The following TNRC6B variants were observed in gnomAD, a reference collection of about 807,000 sequenced individuals.
The protein encoded by TNRC6B is trinucleotide repeat-containing gene 6B protein.
TNRC6B carries 52 observed loss-of-function variants against 203.6 expected under a neutral mutation model. The observed-to-expected ratio is 0.26, with a 90% CI of 0.20 to 0.32. The LOEUF (loss-of-function observed/expected upper bound fraction) is 0.32. Ranked by LOEUF, TNRC6B falls within the 10% of genes least tolerant of loss-of-function variation. The pLI is 1.00. For synonymous variants in TNRC6B, 838 were observed against 845.7 expected (o/e 0.99, Z 0.16); for missense variants, 1,923 against 2,286.2 (o/e 0.84, Z 3.24).
chr22:40,235,673 T>C (rs2069937937), intron 1 of TNRC6B, among the ~76,000 whole-genome samples: 1 of 152,214 alleles, frequency 6.6e-6, no homozygotes, highest in Non-Finnish European at 1.5e-5. Flanking sequence ...AAGAATTGTA[T>C]TGTGAATTAT....
rs180980435 is a variant in TNRC6B, at chr22:40,329,099, G to T, written c.*5858G>T. On this transcript the variant is annotated 3_prime_UTR_variant, in exon 23 of 23. Transcript: ENST00000454349. Reference sequence around the variant, plus strand: ...TTCCTCCTGTGAGTGGACAACTAAAGCCGCGTGATGATGCGGATGAAAATA... The same window carrying T: ...TTCCTCCTGTGAGTGGACAACTAAATCCGCGTGATGATGCGGATGAAAATA... The T allele has an allele frequency of 4.1e-4, 62 of 152,280 alleles. No individual in the cohort carries two copies. Among genetic ancestry groups the T allele is most frequent in the Middle Eastern group, 3.4e-3 (1 of 294 alleles). 9.4% of individuals were successfully genotyped at this position (152,280 alleles called of 1,614,324 possible). A position where few individuals can be genotyped will look rare whatever the true frequency, so the allele number is the denominator to read the frequency against.
chr22:40,253,097 T>G (rs1354927282), intron 3 of TNRC6B, among the ~76,000 whole-genome samples: 1 of 145,082 alleles, frequency 6.9e-6, no homozygotes, highest in African/African-American at 2.9e-5. Flanking sequence ...TTTTTTTCTT[T>G]TTTTCTTTTT....
chr22:40,236,229 A>G (rs1031271923), intron 1 of TNRC6B, among the ~76,000 whole-genome samples: 7 of 152,210 alleles, frequency 4.6e-5, no homozygotes, highest in African/African-American at 1.2e-4. Flanking sequence ...TGTCACCACA[A>G]GGGTCACTAG....
At chr22:40,082,638 G>A (rs1007310473) in intron 1 of TNRC6B, among the ~76,000 whole-genome samples, 5 of 152,238 alleles carry the variant, frequency 3.3e-5, no homozygotes, top group Non-Finnish European at 7.3e-5. Flanking sequence ...AAGATTGGAG[G>A]AAGACAAGGC....
chr22:40,235,341 C>T (rs1055819078), intron 1 of TNRC6B, among the ~76,000 whole-genome samples: 1 of 152,118 alleles, frequency 6.6e-6, no homozygotes, highest in Non-Finnish European at 1.5e-5. Context: ...TGACGCCCAG[C>T]ACCACACCAT....
chr22:40,150,203 C>G (rs946009811), intron 3 of TNRC6B, among the ~76,000 whole-genome samples: 1 of 151,936 alleles, frequency 6.6e-6, no homozygotes, highest in African/African-American at 2.4e-5. Context: ...CGGTGAAACC[C>G]CGTCTCTACT....
At chr22:40,081,736 C>T (rs2068065475) in intron 1 of TNRC6B, among the ~76,000 whole-genome samples, 1 of 152,192 alleles carries the variant, frequency 6.6e-6, no homozygotes, top group South Asian at 2.1e-4. Flanking sequence ...TAGCTCTATC[C>T]AGCACATAAG....
chr22:40,080,469 CTTA>C (rs2146288491), intron 1 of TNRC6B, among the ~76,000 whole-genome samples: 1 of 152,254 alleles, frequency 6.6e-6, no homozygotes, highest in East Asian at 1.9e-4. Context: ...GTTATCTAAT[CTTA>C]TTATGTCACT....
At chr22:40,090,381 G>A (rs1261087801) in intron 1 of TNRC6B, among the ~76,000 whole-genome samples, 1 of 149,570 alleles carries the variant, frequency 6.7e-6, no homozygotes, top group Non-Finnish European at 1.5e-5. Flanking sequence ...CATCTAATGG[G>A]TGTGTAGTGG....
chr22:40,143,047 C>T (rs2068658382), intron 3 of TNRC6B, among the ~76,000 whole-genome samples: 1 of 152,128 alleles, frequency 6.6e-6, no homozygotes, highest in African/African-American at 2.4e-5. Context: ...TGGTAACATG[C>T]AAAAAGCACT....
intron 1 of TNRC6B, among the ~76,000 whole-genome samples, chr22:40,238,509 G>C (rs1394220109): frequency 6.6e-6 from 1 of 151,860 alleles, no homozygotes; most frequent in Non-Finnish European, 1.5e-5. Context: ...TCTCATCCCT[G>C]CCACCTTCTC....
intron 1 of TNRC6B, among the ~76,000 whole-genome samples, chr22:40,049,017 C>T (rs970854873): frequency 5.9e-5 from 9 of 152,206 alleles, no homozygotes; most frequent in Middle Eastern, 6.8e-3. Context: ...TGCATCACCA[C>T]GCCCAGCTAA....
upstream of TNRC6B, among the ~76,000 whole-genome samples, chr22:40,175,365 T>C (rs188832699): frequency 1.3e-5 from 2 of 152,188 alleles, no homozygotes; most frequent in African/African-American, 4.8e-5. Context: ...TCAAAATATA[T>C]ATATATATGT....
chr22:40,208,591 A>T (rs530336902), intron 1 of TNRC6B, among the ~76,000 whole-genome samples: 1 of 152,286 alleles, frequency 6.6e-6, no homozygotes, highest in African/African-American at 2.4e-5. Flanking sequence ...CAATCAAGGG[A>T]GTGCTAAGTT....
chr22:40,266,689 A>G lies in TNRC6B; in HGVS notation c.2459A>G (p.His820Arg). The G allele has an allele frequency of 4.3e-6, 7 of 1,613,938 alleles. No homozygotes were observed. Among genetic ancestry groups the G allele is most frequent in the South Asian group, 1.1e-5 (1 of 91,060 alleles). Residue 820 changes from histidine to arginine, a missense_variant, in exon 5 of 23, where the codon CAC becomes CGC. This residue lies in a region of TNRC6B where 599 missense variants were observed against 656.5 expected (regional missense o/e 0.91). Transcript: ENST00000454349. ...GRQPNSWNKQ[H>R]QQQQPPQQPP... ...CAGCCCAATTCCTGGAATAAACAAC[A>G]CCAACAGCAGCAGCCCCCACAGCAG... is the stretch of plus-strand genomic sequence containing the variant.
At chr22:40,221,778 CCTGT>C (rs1422778656) in intron 1 of TNRC6B, among the ~76,000 whole-genome samples, 23 of 134,728 alleles carry the variant, frequency 1.7e-4, no homozygotes, top group African/African-American at 5.9e-4. Flanking sequence ...TTTTTTGACT[CCTGT>C]CTACTTTCCT....
upstream of TNRC6B, among the ~76,000 whole-genome samples, chr22:40,173,794 T>TATATATATATATATATATATA (rs201025367): frequency 3.2e-4 from 10 of 31,436 alleles, 1 homozygote; most frequent in Non-Finnish European, 3.9e-4. Flanking sequence ...TATATATATA[T>TATATATATATATATATATATA]TTTTTTTTTT....
Position 40,274,925 on chromosome 22 carries a change from G to A in TNRC6B, c.3141+1325G>A, listed in dbSNP as rs111588001. 3.6e-4 allele frequency among the ~76,000 whole-genome samples: 55 copies of A among 152,204 alleles called. 2 individuals carry two copies. Among genetic ancestry groups the A allele is most frequent in the African/African-American group, 1.3e-3 (53 of 41,528 alleles). On this transcript the variant is annotated intron_variant, in intron 7 of 22. Coordinates refer to ENST00000454349, the MANE Select transcript of TNRC6B (RefSeq NM_001162501.2). ...TTGACAAATAAAATAGTGGAAATAC[G>A]AAATGGGCATCCAATACTTAACTTC...
rs1300842267 is a variant in TNRC6B, at chr22:40,324,165, T to G, written c.*924T>G. 6.5e-6 allele frequency: 1 copy of G among 152,674 alleles called. No homozygotes were observed. The highest frequency in any genetic ancestry group is 1.5e-5 in the Non-Finnish European group (1 of 68,050). 9.5% of individuals were successfully genotyped at this position (152,674 alleles called of 1,614,324 possible). A position where few individuals can be genotyped will look rare whatever the true frequency, so the allele number is the denominator to read the frequency against. ...TGAAAGCAGGGAGCTCCTTTCCATT[T>G]GCAACTTAGCCTGAATGTGGGGTTT... On this transcript the variant is annotated 3_prime_UTR_variant, in exon 23 of 23. Transcript: ENST00000454349.
Sources: allele counts gnomAD v4.1 joint callset (sites outside exome capture counted in the v4.1 genomes callset), GRCh38; gene constraint gnomAD v4.1.1; regional missense constraint gnomAD v4.1.1; transcripts MANE v1.5; gene names NCBI Gene and HGNC (gene_info 2026-07-23, HGNC 2026-07-21).